The following GANC variants were observed in gnomAD, a reference collection of about 807,000 sequenced individuals.
The protein encoded by GANC is glucosidase alpha, neutral C.
Under a neutral mutation model 124.2 loss-of-function variants are expected in GANC, and 117 were observed. That is an observed-to-expected ratio of 0.94 (90% CI 0.81 to 1.10). GANC has a LOEUF of 1.10. Ranked by LOEUF, GANC falls within the 50% of genes least tolerant of loss-of-function variation. GANC has a pLI of 0.00. For missense variants in GANC, 1,140 were observed against 1,095.0 expected, an observed-to-expected ratio of 1.04 and a Z score of -0.58; for synonymous variants, 377 against 376.8, an observed-to-expected ratio of 1.00 and a Z score of -0.01.
chr15:42,288,896 A>C (rs2051817046), intron 4 of GANC, among the ~76,000 whole-genome samples: 1 of 152,058 alleles, frequency 6.6e-6, no homozygotes, highest in African/African-American at 2.4e-5. Context: ...CATACATATA[A>C]CCTCCTGGCC....
intron 22 of GANC, 103 bp from the exon 23 acceptor site, chr15:42,351,226 A>G (rs2052432561): frequency 2.6e-6 from 2 of 774,840 alleles, no homozygotes; most frequent in East Asian, 5.0e-5. Context: ...TCATGCCTCC[A>G]AGGGACAGAT....
intron 1 of GANC, among the ~76,000 whole-genome samples, chr15:42,275,020 C>G (rs185898255): frequency 4.9e-4 from 74 of 152,188 alleles, no homozygotes; most frequent in Non-Finnish European, 8.8e-5. Context: ...CTATATCATC[C>G]CAGAGTTAAT....
intron 3 of GANC, among the ~76,000 whole-genome samples, chr15:42,279,135 CTTTTG>C (rs968282011): frequency 1.3e-5 from 2 of 152,110 alleles, no homozygotes; most frequent in African/African-American, 2.4e-5. Context: ...ATATTATTTC[CTTTTG>C]TTTAGTCTTC....
At chr15:42,344,623 G>T (rs1309376322) in intron 19 of GANC, 1 of 152,188 alleles carries the variant, frequency 6.6e-6, no homozygotes, top group African/African-American at 2.4e-5. Flanking sequence ...ACAGTAACCA[G>T]GCTTCTCTCC....
chr15:42,309,963 G>A (rs1297662556), intron 8 of GANC, among the ~76,000 whole-genome samples: 2 of 152,102 alleles, frequency 1.3e-5, no homozygotes, highest in African/African-American at 2.4e-5. Context: ...AGTTTGCAGT[G>A]AGCCAAGATC....
chr15:42,292,995 C>A, intron 5 of GANC, 78 bp downstream of exon 5: 1 of 1,322,748 alleles, frequency 7.6e-7, no homozygotes, highest in Non-Finnish European at 1.0e-6. Flanking sequence ...AAATAGATAA[C>A]ATAGCACCAT....
At chr15:42,283,293 A>C (rs2051752238) in intron 3 of GANC, among the ~76,000 whole-genome samples, 1 of 152,238 alleles carries the variant, frequency 6.6e-6, no homozygotes, top group Non-Finnish European at 1.5e-5. Context: ...CAGAATAATC[A>C]GGTAGATATT....
intron 13 of GANC, among the ~76,000 whole-genome samples, chr15:42,329,061 C>A (rs188385230): frequency 6.6e-6 from 1 of 152,164 alleles, no homozygotes; most frequent in African/African-American, 2.4e-5. Context: ...GGGCAGCATT[C>A]TTTTATTCAG....
Position 42,339,707 on chromosome 15 carries a change from C to A in GANC, c.1882C>A (p.Leu628Met), listed in dbSNP as rs2052314496. The A allele has an allele frequency of 6.2e-7, 1 of 1,614,036 alleles. No homozygotes were observed. The highest frequency in any genetic ancestry group is 8.5e-7 in the Non-Finnish European group (1 of 1,180,008). Reference sequence around the variant, plus strand: ...GTTCATTGGGAATCCAGAGACAGAGCTGCTAGTGCGTTGGTACCAGGCTGG... The same window carrying A: ...GTTCATTGGGAATCCAGAGACAGAGATGCTAGTGCGTTGGTACCAGGCTGG... ...GGFIGNPETE[L>M]LVRWYQAGAY... is the part of the protein sequence containing the mutation. Residue 628 changes from leucine (L) to methionine (M), a missense_variant, in exon 17 of 24, where the codon CTG becomes ATG. Transcript: ENST00000318010.
chr15:42,291,690 A>G (rs936603), intron 4 of GANC, among the ~76,000 whole-genome samples: 152,043 of 152,332 alleles, frequency 1, 75,878 homozygotes, highest in Middle Eastern at 1. Context: ...GAAACATTTA[A>G]TTGTCAGAGA....
rs1022748199 is a variant in GANC, at chr15:42,310,831, T to C, written c.1042T>C (p.Tyr348His). The change falls in exon 10 of 24, where the codon TAC becomes CAC. Residue 348 changes from tyrosine (Y) to histidine (H), a missense_variant. Coordinates refer to ENST00000318010, the MANE Select transcript of GANC (RefSeq NM_198141.3). ...TACACCTTCTGATGTCTTCAAACAGTACTCACACCTTACAGGTATTTGCAC... is the reference window on the plus strand; with the variant it reads ...TACACCTTCTGATGTCTTCAAACAGCACTCACACCTTACAGGTATTTGCAC... ...GPTPSDVFKQ[Y>H]SHLTGTQAMP... The C allele has an allele frequency of 1.9e-6, 3 of 1,612,916 alleles. No individual in the cohort carries two copies. Among genetic ancestry groups the C allele is most frequent in the African/African-American group, 2.7e-5 (2 of 74,940 alleles).
Position 42,340,715 on chromosome 15 carries a change from G to A in GANC, c.2113G>A (p.Glu705Lys). ...MRPLWVEFPD[E>K]LKTFDMEDEY... ...GCCTCTGTGGGTAGAGTTCCCTGAT[G>A]AACTAAAGACTTTTGATATGGAAGA... The change falls in exon 18 of 24, where the codon GAA becomes AAA. Residue 705 changes from glutamate (E) to lysine (K), a missense_variant. Glu to Lys is a moderately conservative substitution (Grantham distance 56). Transcript: ENST00000318010. 1 of 1,603,348 alleles carries A rather than the reference G, an allele frequency of 6.2e-7. No individual in the cohort carries two copies. The highest frequency in any genetic ancestry group is 8.5e-7 in the Non-Finnish European group (1 of 1,176,488).
chr15:42,332,851 T>TAAAAAA (rs5812220), intron 15 of GANC, among the ~76,000 whole-genome samples: 2 of 120,516 alleles, frequency 1.7e-5, no homozygotes, highest in African/African-American at 6.5e-5. Context: ...CTGTCTCTAC[T>TAAAAAA]AAAAAAAAAA....
At chr15:42,350,972 G>A (rs112639686) in intron 22 of GANC, among the ~76,000 whole-genome samples, 12,998 of 151,348 alleles carry the variant, frequency 0.086, 634 homozygotes, top group South Asian at 0.18. Flanking sequence ...CCCAGGTTCG[G>A]GGGATTCTCG....
chr15:42,295,254 A>G (rs2051879496), intron 5 of GANC, among the ~76,000 whole-genome samples: 1 of 152,228 alleles, frequency 6.6e-6, no homozygotes, highest in African/African-American at 2.4e-5. Flanking sequence ...GATTGCAGGC[A>G]TGAGCGACCA....
chr15:42,295,533 A>T (rs1196480346), intron 5 of GANC, among the ~76,000 whole-genome samples: 1 of 152,052 alleles, frequency 6.6e-6, no homozygotes, highest in Admixed American at 6.6e-5. Context: ...AGTGTGACAT[A>T]AACTGAAGAG....
chr15:42,314,603 G>T (rs3736096), intron 10 of GANC: 145,257 of 159,090 alleles, frequency 0.91, 67,691 homozygotes, highest in Non-Finnish European at 1. Flanking sequence ...GTTAATAAGG[G>T]TATCAGACTG....
chr15:42,315,800 A>G (rs2052096278), intron 10 of GANC, among the ~76,000 whole-genome samples: 1 of 152,078 alleles, frequency 6.6e-6, no homozygotes, highest in Admixed American at 6.6e-5. Context: ...GAAGGCCTGG[A>G]GAAAAAGACT....
intron 6 of GANC, among the ~76,000 whole-genome samples, chr15:42,301,552 C>T (rs965763486): frequency 2.6e-5 from 4 of 152,010 alleles, no homozygotes; most frequent in Admixed American, 6.5e-5. Flanking sequence ...GCCAAGTGGT[C>T]TAGCTCAGTG....
Sources: gnomAD v4.1 joint callset for allele counts (sites outside exome capture counted in the v4.1 genomes callset) on GRCh38, gnomAD v4.1.1 for gene constraint, MANE v1.5 for transcripts, NCBI Gene and HGNC (gene_info 2026-07-23, HGNC 2026-07-21) for gene names.